Variants in USP14 observed in about 807,000 individuals in gnomAD.
USP14 encodes the protein ubiquitin specific peptidase 14, also known as ubiquitin carboxyl-terminal hydrolase 14.
Under a neutral mutation model 76.5 loss-of-function variants are expected in USP14, and 38 were observed. The ratio of observed to expected loss-of-function variants is 0.50; its 90% CI spans 0.38 to 0.65. USP14 has a LOEUF of 0.65. USP14 is among the 30% of genes least tolerant of loss of function. The pLI is 0.00. For synonymous variants in USP14, 192 were observed against 191.7 expected, an observed-to-expected ratio of 1.00 and a Z score of -0.01; for missense variants, 467 against 586.5, an observed-to-expected ratio of 0.80 and a Z score of 2.10.
chr18:206,609 G>A (rs531686216), intron 13 of USP14, among the ~76,000 whole-genome samples: 1 of 152,190 alleles, frequency 6.6e-6, no homozygotes, highest in South Asian at 2.1e-4. Context: ...ATCTAAGAAA[G>A]CATTGCCGGG....
Position 169,791 on chromosome 18 carries a change from C to G in USP14, c.195+2972C>G, listed in dbSNP as rs376508639. 4.3e-4 allele frequency among the ~76,000 whole-genome samples: 65 copies of G among 152,162 alleles called. 2 individuals carry two copies. The South Asian group carries it at 0.013, about 30-fold the overall frequency. On this transcript the variant is annotated intron_variant, in intron 3 of 15. Coordinates refer to ENST00000261601, the MANE Select transcript of USP14 (RefSeq NM_005151.4). ...CTTTGTCACATTTTGGTGATTCTTG[C>G]AATATTTGAAACATTTTCATTACTC...
chr18:158,829 G>T (rs1909029366), intron 1 of USP14, 115 bp downstream of exon 1: 12 of 1,256,284 alleles, frequency 9.6e-6, no homozygotes, highest in Non-Finnish European at 1.1e-5. Flanking sequence ...GGGGTGGGGT[G>T]CGCGGGGCCG....
chr18:188,269 T>A (rs1285207157), intron 5 of USP14, among the ~76,000 whole-genome samples: 1 of 152,160 alleles, frequency 6.6e-6, no homozygotes, highest in African/African-American at 2.4e-5. Context: ...TTTTTAAAAA[T>A]AAGAAATACA....
At chr18:169,043 C>G (rs1407333839) in intron 3 of USP14, among the ~76,000 whole-genome samples, 1 of 151,298 alleles carries the variant, frequency 6.6e-6, no homozygotes, top group Non-Finnish European at 1.5e-5. Context: ...TGCCACTGTA[C>G]TCTAGCCTGG....
Position 211,125 on chromosome 18 carries a change from T to C in USP14, c.1334-8T>C, listed in dbSNP as rs1910658064. 1 of 1,608,328 alleles carries C rather than the reference T, an allele frequency of 6.2e-7. No homozygotes were observed. The highest frequency in any genetic ancestry group is 2.2e-5 in the East Asian group (1 of 44,690). On this transcript the variant is annotated splice_region_variant and splice_polypyrimidine_tract_variant and intron_variant, in intron 15 of 15. Coordinates refer to ENST00000261601, the MANE Select transcript of USP14 (RefSeq NM_005151.4). ...ACATTAATTCATCTTCTTGTCCCTG[T>C]TATTTAGATGAATGGATTAAGTTTG...
At position 178,913 on chromosome 18, in the gene USP14, A is replaced by G. The variant is rs1909703798; in HGVS notation, c.196-20A>G. 2 of 1,577,302 alleles carry G rather than the reference A, an allele frequency of 1.3e-6. No individual in the cohort carries two copies. Among genetic ancestry groups the G allele is most frequent in the African/African-American group, 2.7e-5 (2 of 73,134 alleles). ...ACCAACTTTTAAGGATTTTCATGAAATTACTTTTTTTAAAAACAGGGAATG... is the reference window on the plus strand; with the variant it reads ...ACCAACTTTTAAGGATTTTCATGAAGTTACTTTTTTTAAAAACAGGGAATG... On this transcript the variant is annotated intron_variant, in intron 3 of 15. Coordinates refer to ENST00000261601, the MANE Select transcript of USP14 (RefSeq NM_005151.4).
intron 3 of USP14, among the ~76,000 whole-genome samples, chr18:170,991 G>C (rs1909426807): frequency 8.1e-6 from 1 of 124,152 alleles, no homozygotes; most frequent in Non-Finnish European, 1.6e-5. Context: ...GCACATCCTG[G>C]ACATGTACCC....
chr18:204,730 T>G, intron 13 of USP14, 38 bp downstream of exon 13: 1 of 1,597,660 alleles, frequency 6.3e-7, no homozygotes, highest in Non-Finnish European at 8.5e-7. Flanking sequence ...CTTAATATCT[T>G]AATCTCCCAT....
chr18:183,322 T>C (rs981028284), intron 5 of USP14, among the ~76,000 whole-genome samples: 3 of 147,662 alleles, frequency 2.0e-5, no homozygotes, highest in East Asian at 2.3e-4. Context: ...GGTTTTCTCT[T>C]TTTTTTTTTT....
At chr18:164,241 A>G (rs747384235) in intron 2 of USP14, among the ~76,000 whole-genome samples, 6 of 152,074 alleles carry the variant, frequency 3.9e-5, no homozygotes, top group Non-Finnish European at 8.8e-5. Flanking sequence ...TTCTGTAATG[A>G]GGTTGGAAAA....
chr18:193,594 C>A (rs1054430102), intron 6 of USP14, among the ~76,000 whole-genome samples: 2 of 152,270 alleles, frequency 1.3e-5, no homozygotes, highest in African/African-American at 4.8e-5. Flanking sequence ...GCAGTCACCT[C>A]CTTTCCCATT....
chr18:208,325 AGAGT>A (rs1267539330), intron 13 of USP14, among the ~76,000 whole-genome samples: 1 of 152,110 alleles, frequency 6.6e-6, no homozygotes, highest in Non-Finnish European at 1.5e-5. Flanking sequence ...TGATGTCTGT[AGAGT>A]GTTTAGTGAG....
chr18:162,463 T>C (rs531118264), intron 1 of USP14, among the ~76,000 whole-genome samples: 14 of 152,324 alleles, frequency 9.2e-5, no homozygotes, highest in South Asian at 2.1e-4. Context: ...TTTTTCTTAA[T>C]TGAGCACCTC....
At chr18:189,131 A>ATT (rs1486155535) in intron 5 of USP14, among the ~76,000 whole-genome samples, 1 of 149,006 alleles carries the variant, frequency 6.7e-6, no homozygotes, top group Non-Finnish European at 1.5e-5. Context: ...TTTATTTCTT[A>ATT]TTTGTTATAT....
intron 4 of USP14, among the ~76,000 whole-genome samples, chr18:179,586 C>CTTT (rs535535588): frequency 2.6e-5 from 3 of 114,076 alleles, no homozygotes; most frequent in Admixed American, 9.7e-5. Context: ...TTTTTTTTTG[C>CTTT]TTTTTTTTTT....
intron 14 of USP14, 67 bp from the exon 15 acceptor site, chr18:210,319 T>C: frequency 8.7e-7 from 1 of 1,150,628 alleles, no homozygotes; most frequent in Non-Finnish European, 1.3e-6. Context: ...GTTATTCTTG[T>C]TACTTAGCTT....
chr18:170,788 G>T (rs1339031313), intron 3 of USP14, among the ~76,000 whole-genome samples: 1 of 151,942 alleles, frequency 6.6e-6, no homozygotes, highest in Non-Finnish European at 1.5e-5. Flanking sequence ...GTTGTCACTT[G>T]TAAGTGGGAG....
chr18:185,728 C>T (rs1412751273), intron 5 of USP14, among the ~76,000 whole-genome samples: 4 of 151,938 alleles, frequency 2.6e-5, no homozygotes, highest in East Asian at 3.9e-4. Context: ...GACAGGCCCT[C>T]GCTCTGTTGC....
At chr18:160,855 A>G (rs369465567) in intron 1 of USP14, among the ~76,000 whole-genome samples, 17 of 152,344 alleles carry the variant, frequency 1.1e-4, no homozygotes, top group African/African-American at 3.1e-4. Context: ...AAACCAGACT[A>G]AAGTGGCCTT....
Sources: gnomAD v4.1 joint callset for allele counts (sites outside exome capture counted in the v4.1 genomes callset) on GRCh38, gnomAD v4.1.1 for gene constraint, MANE v1.5 for transcripts, NCBI Gene and HGNC (gene_info 2026-07-23, HGNC 2026-07-21) for gene names.